The following EPB41L5 variants were observed in gnomAD, a reference collection of about 807,000 sequenced individuals.
The protein encoded by EPB41L5 is band 4.1-like protein 5.
EPB41L5 carries 55 observed loss-of-function variants against 106.6 expected under a neutral mutation model. The ratio of observed to expected loss-of-function variants is 0.52; its 90% CI spans 0.42 to 0.65. The LOEUF (loss-of-function observed/expected upper bound fraction) is 0.65. EPB41L5 is among the 30% of genes least tolerant of loss of function. The pLI is 0.00. For synonymous variants in EPB41L5, 297 were observed against 306.7 expected (o/e 0.97, Z 0.33); for missense variants, 871 against 882.1 (o/e 0.99, Z 0.16).
chr2:120,098,121 TGCCA>T (rs1558872613), intron 14 of EPB41L5, among the ~76,000 whole-genome samples: 1 of 147,340 alleles, frequency 6.8e-6, no homozygotes, highest in African/African-American at 2.5e-5. Context: ...TCTTTAAAAT[TGCCA>T]TGGCAGTGGA....
chr2:120,063,445 G>A (rs2084171), intron 3 of EPB41L5, among the ~76,000 whole-genome samples: 104,695 of 151,872 alleles, frequency 0.69, 37,603 homozygotes, highest in Non-Finnish European at 0.79. Flanking sequence ...TTTAAAGTGT[G>A]TTTCCAAAAT....
In EPB41L5 at chr2:120,147,855, A is replaced by G. The variant is rs368387885; in HGVS notation, c.1793+1566A>G. Among the ~76,000 whole-genome samples the G allele has an allele frequency of 7.2e-5, 11 of 152,254 alleles. No individual in the cohort carries two copies. The East Asian group carries it at 2.1e-3, about 29-fold the overall frequency. ...GATTTATTTTTCTAAATGCCTGTTC[A>G]TATTTTGAAGAATCTATTTTTCCCC... On this transcript the variant is annotated intron_variant, in intron 20 of 24. Transcript: ENST00000263713.
At chr2:120,046,273 A>G (rs145392750) in intron 3 of EPB41L5, among the ~76,000 whole-genome samples, 3,328 of 152,278 alleles carry the variant, frequency 0.022, 119 homozygotes, top group African/African-American at 0.075. Flanking sequence ...AGTCCCACCA[A>G]CAGTGTAAAA....
At chr2:120,025,898 C>T (rs976181373) in intron 2 of EPB41L5, among the ~76,000 whole-genome samples, 2 of 152,106 alleles carry the variant, frequency 1.3e-5, no homozygotes, top group African/African-American at 2.4e-5. Context: ...TACAAAGCAA[C>T]AATAAGTTGG....
chr2:120,035,627 C>A (rs1316365610), intron 2 of EPB41L5, among the ~76,000 whole-genome samples: 2 of 152,162 alleles, frequency 1.3e-5, no homozygotes, highest in African/African-American at 4.8e-5. Flanking sequence ...GTCTTCACAC[C>A]TGTGAATAGC....
At chr2:120,164,066 T>G (rs183670075) in intron 21 of EPB41L5, among the ~76,000 whole-genome samples, 1 of 138,458 alleles carries the variant, frequency 7.2e-6, no homozygotes, top group Non-Finnish European at 1.5e-5. Flanking sequence ...CACTGCAACC[T>G]CCACCTCCCG....
chr2:120,080,634 G>A lies in EPB41L5; in HGVS notation c.803+2053G>A, dbSNP rs369890836. ...TTGGGTATATACCCAGTAATGGGATGGCTGGGTCAGATGGTATTTCTAGTT... is the reference window on the plus strand; with the variant it reads ...TTGGGTATATACCCAGTAATGGGATAGCTGGGTCAGATGGTATTTCTAGTT... On this transcript the variant is annotated intron_variant, in intron 10 of 24. Transcript: ENST00000263713. Among the ~76,000 whole-genome samples the A allele has an allele frequency of 3.9e-5, 6 of 152,276 alleles. No individual in the cohort carries two copies. In the East Asian group the frequency reaches 1.2e-3, roughly 29 times the overall value.
At chr2:120,164,084 G>A (rs1264621820) in intron 21 of EPB41L5, among the ~76,000 whole-genome samples, 1 of 148,820 alleles carries the variant, frequency 6.7e-6, no homozygotes, top group African/African-American at 2.5e-5. Context: ...CCGGGTTCAT[G>A]CCATTCTCCT....
chr2:120,042,995 A>ATG lies in EPB41L5; in HGVS notation c.285+937_285+938dup, dbSNP rs60253351. 9.7e-3 allele frequency among the ~76,000 whole-genome samples: 682 copies of ATG among 70,064 alleles called. 10 individuals carry two copies. Among genetic ancestry groups the ATG allele is most frequent in the Middle Eastern group, 0.036 (4 of 112 alleles). The allele number at this position is 70,064 out of a possible 152,430, so 46.0% of individuals were successfully genotyped here. A position where few individuals can be genotyped will look rare whatever the true frequency, so the allele number is the denominator to read the frequency against. ...TGGCATTAAGCCTTTTTTTCTGGAAATGTGTGTGTGTGTGTGTGTGTGTGT... is the reference window on the plus strand; with the variant it reads ...TGGCATTAAGCCTTTTTTTCTGGAAATGTGTGTGTGTGTGTGTGTGTGTGTGT... On this transcript the variant is annotated intron_variant, in intron 3 of 24. Coordinates refer to ENST00000263713, the MANE Select transcript of EPB41L5 (RefSeq NM_020909.4).
intron 12 of EPB41L5, 118 bp downstream of exon 12, chr2:120,090,634 CAG>C (rs1427235614): frequency 1.2e-6 from 1 of 837,298 alleles, no homozygotes; most frequent in Non-Finnish European, 1.8e-6. Context: ...GGTGGTTTGC[CAG>C]AGTCTTCCAT....
At chr2:120,074,248 C>A in intron 5 of EPB41L5, 70 bp downstream of exon 5, 1 of 1,166,552 alleles carries the variant, frequency 8.6e-7, no homozygotes, top group South Asian at 1.5e-5. Flanking sequence ...TATATTGTTT[C>A]CAATTTATAG....
intron 3 of EPB41L5, among the ~76,000 whole-genome samples, chr2:120,072,760 T>C (rs1271867200): frequency 6.6e-6 from 1 of 152,044 alleles, no homozygotes; most frequent in African/African-American, 2.4e-5. Context: ...GAGGGGAACA[T>C]CACATACTGG....
intron 10 of EPB41L5, among the ~76,000 whole-genome samples, chr2:120,083,700 G>T (rs1224277557): frequency 2.6e-5 from 4 of 152,134 alleles, no homozygotes; most frequent in African/African-American, 4.8e-5. Flanking sequence ...TGACAGTGGG[G>T]TGTTAAAGTC....
intron 19 of EPB41L5, among the ~76,000 whole-genome samples, chr2:120,143,796 A>G (rs1030157370): frequency 6.6e-6 from 1 of 152,204 alleles, no homozygotes; most frequent in African/African-American, 2.4e-5. Context: ...CCCAGAATAT[A>G]AACATGTTTT....
intron 18 of EPB41L5, among the ~76,000 whole-genome samples, chr2:120,136,607 A>G (rs542575632): frequency 2.6e-5 from 4 of 152,118 alleles, no homozygotes; most frequent in Middle Eastern, 3.4e-3. Flanking sequence ...CAGGTTATTT[A>G]TATTAGATAA....
chr2:120,170,650 C>G (rs1225226143), intron 24 of EPB41L5, among the ~76,000 whole-genome samples: 2 of 152,196 alleles, frequency 1.3e-5, no homozygotes, highest in African/African-American at 4.8e-5. Context: ...AAATAACATC[C>G]TTTTACCTTT....
chr2:120,032,065 T>C (rs767774083), intron 2 of EPB41L5, among the ~76,000 whole-genome samples: 7 of 152,008 alleles, frequency 4.6e-5, no homozygotes, highest in African/African-American at 1.7e-4. Flanking sequence ...GCATGACTTA[T>C]TGGGGAGATT....
intron 11 of EPB41L5, among the ~76,000 whole-genome samples, chr2:120,088,633 G>T (rs1259652743): frequency 1.3e-5 from 2 of 152,154 alleles, no homozygotes; most frequent in African/African-American, 2.4e-5. Flanking sequence ...GAACACTAAG[G>T]TGTATGTATA....
chr2:120,131,788 A>G, intron 18 of EPB41L5, 73 bp downstream of exon 18: 1 of 1,149,208 alleles, frequency 8.7e-7, no homozygotes, highest in Non-Finnish European at 1.3e-6. Flanking sequence ...TTCCAAAGAC[A>G]GTACTTTCTT....
Sources: gnomAD v4.1 joint callset for allele counts (sites outside exome capture counted in the v4.1 genomes callset) on GRCh38, gnomAD v4.1.1 for gene constraint, MANE v1.5 for transcripts, NCBI Gene and HGNC (gene_info 2026-07-23, HGNC 2026-07-21) for gene names.